PSD3: variants seen among roughly 807,000 people sequenced by gnomAD.
The protein encoded by PSD3 is pleckstrin and Sec7 domain containing 3.
In PSD3, 49 loss-of-function variants were observed where a neutral mutation model predicts 105.5. The ratio of observed to expected loss-of-function variants is 0.46; its 90% CI spans 0.37 to 0.59. The LOEUF is 0.59. Among genes scored for constraint, PSD3 ranks in the 20% least tolerant of loss-of-function variants. PSD3 has a pLI of 0.00. For synonymous variants in PSD3, 557 were observed against 457.8 expected (o/e 1.22, Z -2.77); for missense variants, 1,561 against 1,263.8 (o/e 1.24, Z -3.57).
At chr8:18,602,385 C>G (rs1284020718) in intron 11 of PSD3, among the ~76,000 whole-genome samples, 9 of 152,052 alleles carry the variant, frequency 5.9e-5, no homozygotes, top group Admixed American at 5.9e-4. Context: ...AAGTCAGTTA[C>G]TTAGTAACTG....
chr8:19,025,391 G>A (rs184015381), intron 1 of PSD3, among the ~76,000 whole-genome samples: 5 of 152,260 alleles, frequency 3.3e-5, no homozygotes, highest in Non-Finnish European at 7.4e-5. Flanking sequence ...ACTCTCTTGA[G>A]TACACACACT....
At chr8:18,869,324 G>T (rs967109725) in intron 3 of PSD3, among the ~76,000 whole-genome samples, 2 of 151,732 alleles carry the variant, frequency 1.3e-5, no homozygotes, top group Admixed American at 6.6e-5. Context: ...CAAGCAGCTG[G>T]GATTACAGGC....
intron 1 of PSD3, among the ~76,000 whole-genome samples, chr8:18,963,024 A>G (rs1326917880): frequency 1.3e-5 from 2 of 152,170 alleles, no homozygotes; most frequent in African/African-American, 4.8e-5. Flanking sequence ...ATTGGACTTA[A>G]AGTTCCACAT....
intron 9 of PSD3, among the ~76,000 whole-genome samples, chr8:18,743,866 G>A (rs2129435322): frequency 6.6e-6 from 1 of 151,594 alleles, no homozygotes; most frequent in East Asian, 1.9e-4. Flanking sequence ...AAGGTGGGAG[G>A]ATCCCTTGAG....
chr8:18,581,559 T>A (rs1160080328), intron 12 of PSD3, among the ~76,000 whole-genome samples: 2 of 152,210 alleles, frequency 1.3e-5, no homozygotes, highest in Non-Finnish European at 2.9e-5. Flanking sequence ...GTGTTGTATA[T>A]CACAAGCTCT....
chr8:18,982,711 T>C (rs1310891356), intron 1 of PSD3, among the ~76,000 whole-genome samples: 1 of 152,188 alleles, frequency 6.6e-6, no homozygotes, highest in Non-Finnish European at 1.5e-5. Context: ...AATATTCTTC[T>C]AAGCAGCAGG....
intron 4 of PSD3, among the ~76,000 whole-genome samples, chr8:18,845,779 A>G (rs556597144): frequency 1.3e-5 from 2 of 152,350 alleles, no homozygotes; most frequent in African/African-American, 4.8e-5. Flanking sequence ...TCTACAAAAA[A>G]AATTAAAATA....
intron 1 of PSD3, among the ~76,000 whole-genome samples, chr8:18,954,750 C>A (rs1823458165): frequency 6.6e-6 from 1 of 152,152 alleles, no homozygotes; most frequent in African/African-American, 2.4e-5. Flanking sequence ...TCTGTTTTCG[C>A]AGGCCTGCAG....
At chr8:18,949,244 A>AAAAAAAAAAAAAATATATAT (rs1345423514) in intron 1 of PSD3, among the ~76,000 whole-genome samples, 2 of 14,408 alleles carry the variant, frequency 1.4e-4, no homozygotes, top group Non-Finnish European at 3.6e-4. Context: ...AAAAAAAAAA[A>AAAAAAAAAAAAAATATATAT]ATATATATAT....
intron 1 of PSD3, among the ~76,000 whole-genome samples, chr8:18,953,741 C>T (rs1325150780): frequency 6.7e-6 from 1 of 148,966 alleles, no homozygotes; most frequent in Non-Finnish European, 1.5e-5. Flanking sequence ...AGCAAGACTC[C>T]ATCTCAAAAA....
chr8:18,847,073 C>T lies in PSD3; in HGVS notation c.1634+20601G>A, dbSNP rs368778453. 7.8e-4 allele frequency among the ~76,000 whole-genome samples: 118 copies of T among 152,216 alleles called. 2 individuals carry two copies. In the South Asian group the frequency reaches 0.024, roughly 31 times the overall value. The stretch of plus-strand genomic sequence containing the variant: ...AGTCAAGAAATTCCCGATTTGGCCT[C>T]GACACTGCCTTTCACCTCTTACATG... On this transcript the variant is annotated intron_variant, in intron 4 of 15. Coordinates refer to ENST00000327040, the MANE Select transcript of PSD3 (RefSeq NM_015310.4).
intron 4 of PSD3, among the ~76,000 whole-genome samples, chr8:18,853,670 A>G (rs1471976158): frequency 6.6e-6 from 1 of 152,200 alleles, no homozygotes; most frequent in Non-Finnish European, 1.5e-5. Context: ...CCTTCAGAGC[A>G]GTGATATACC....
At chr8:18,629,910 A>T (rs1003002716) in intron 11 of PSD3, among the ~76,000 whole-genome samples, 4 of 151,916 alleles carry the variant, frequency 2.6e-5, no homozygotes, top group African/African-American at 9.7e-5. Flanking sequence ...ATCTGCTAAC[A>T]TTAATGTGAT....
intron 11 of PSD3, among the ~76,000 whole-genome samples, chr8:18,607,696 C>CAAAAAAAAAAAAAA (rs1491567677): frequency 1.0e-5 from 1 of 96,506 alleles, no homozygotes; most frequent in Non-Finnish European, 2.0e-5. Context: ...AAAAAAAAAA[C>CAAAAAAAAAAAAAA]AAAACAAAAA....
At chr8:18,831,498 G>C (rs1426813114) in intron 4 of PSD3, among the ~76,000 whole-genome samples, 1 of 152,186 alleles carries the variant, frequency 6.6e-6, no homozygotes, top group Non-Finnish European at 1.5e-5. Flanking sequence ...GAGGCAGGCA[G>C]ATCACCCGAG....
At chr8:18,727,334 C>CAAA (rs11300334) in intron 9 of PSD3, among the ~76,000 whole-genome samples, 48 of 55,792 alleles carry the variant, frequency 8.6e-4, no homozygotes, top group African/African-American at 1.9e-3. Flanking sequence ...GACTGTGTCT[C>CAAA]AAAAAAAAAA....
At chr8:18,599,232 G>C (rs1489827875) in intron 12 of PSD3, among the ~76,000 whole-genome samples, 1 of 152,088 alleles carries the variant, frequency 6.6e-6, no homozygotes, top group Non-Finnish European at 1.5e-5. Flanking sequence ...CAACAGAATG[G>C]AACACAGAGC....
chr8:18,608,229 A>T (rs1805006956), intron 11 of PSD3, among the ~76,000 whole-genome samples: 1 of 152,132 alleles, frequency 6.6e-6, no homozygotes. Context: ...CAAAAAAAAA[A>T]TTATTTAAGA....
At chr8:19,047,809 C>G (rs1052499443) in intron 1 of PSD3, among the ~76,000 whole-genome samples, 29 of 152,250 alleles carry the variant, frequency 1.9e-4, no homozygotes, top group African/African-American at 6.5e-4. Context: ...GTCCTCCAGG[C>G]AGAAGCTAGC....
Sources: gnomAD v4.1 joint callset for allele counts (sites outside exome capture counted in the v4.1 genomes callset) on GRCh38, gnomAD v4.1.1 for gene constraint, MANE v1.5 for transcripts, NCBI Gene and HGNC (gene_info 2026-07-23, HGNC 2026-07-21) for gene names.